Variants in DELE1 observed in about 807,000 individuals in gnomAD.
DELE1 encodes DAP3 binding cell death enhancer 1.
A neutral mutation model predicts 59.3 loss-of-function variants in DELE1; 54 were observed. The observed-to-expected ratio is 0.91, with a 90% confidence interval of 0.73 to 1.14. The LOEUF (loss-of-function observed/expected upper bound fraction) is 1.14. DELE1 is among the 50% of genes most tolerant of loss of function. The probability of loss-of-function intolerance (pLI) is 0.00; values close to 1 mark genes in which losing one functional copy is unlikely to be tolerated. For missense variants in DELE1, 636 were observed against 643.9 expected (o/e 0.99, Z 0.13); for synonymous variants, 264 against 259.1 (o/e 1.02, Z -0.18).
rs1351934227 is a variant in DELE1, at chr5:141,938,911, G to A, written c.*152G>A. ...AATTTCACGTACATGGCTGGTAAGT[G>A]ACTGATCTTTCCCCCCGCTTGGTAG... On this transcript the variant is annotated 3_prime_UTR_variant, in exon 12 of 12. Coordinates refer to ENST00000432126, the MANE Select transcript of DELE1 (RefSeq NM_014773.5). The A allele has an allele frequency of 2.4e-5, 35 of 1,445,902 alleles. No individual in the cohort carries two copies. The highest frequency in any genetic ancestry group is 3.1e-5 in the Non-Finnish European group (34 of 1,104,748). 89.6% of individuals were successfully genotyped at this position (1,445,902 alleles called of 1,614,324 possible).
chr5:141,929,461 G>A (rs1443456739), intron 4 of DELE1, 121 bp from the exon 5 acceptor site: 1 of 998,936 alleles, frequency 1.0e-6, no homozygotes, highest in Non-Finnish European at 1.5e-6. Flanking sequence ...TGTTGGCCAG[G>A]CTGGTCTTGA....
rs1752691383 is a variant in DELE1, at chr5:141,940,765, G to C, written c.*2006G>C. On this transcript the variant is annotated 3_prime_UTR_variant, in exon 12 of 12. Transcript: ENST00000432126. ...GCAGGGTCCTTGTCTTTGTATTCCA[G>C]TGTCCCCAGCACTGAGTGCAAGGCC... The C allele has an allele frequency of 1.0e-6, 1 of 980,180 alleles. No individual in the cohort carries two copies. The highest frequency in any genetic ancestry group is 1.2e-6 in the Non-Finnish European group (1 of 825,312). The allele number at this position is 980,180 out of a possible 1,614,324, so 60.7% of individuals were successfully genotyped here. A position where few individuals can be genotyped will look rare whatever the true frequency, so the allele number is the denominator to read the frequency against.
rs750572925 is a variant in DELE1 at position 141,930,150 on chromosome 5, T to C, written c.658-28T>C. On this transcript the variant is annotated intron_variant, in intron 6 of 11. Transcript: ENST00000432126. Reference sequence around the variant, plus strand: ...GTGGCAATCCTGGTAAACCATCCCTTGGTGAGTCTTTTATATTTCTTTCCC... The same window carrying C: ...GTGGCAATCCTGGTAAACCATCCCTCGGTGAGTCTTTTATATTTCTTTCCC... The C allele has an allele frequency of 2.5e-6, 4 of 1,608,620 alleles. No homozygotes were observed. In the African/African-American group the frequency reaches 5.4e-5, roughly 22 times the overall value.
In DELE1 at chr5:141,925,434, G is replaced by C; in HGVS notation, c.171G>C (p.Thr57=). The change falls in exon 3 of 12, where the codon ACG becomes ACC. Residue 57 remains threonine, a synonymous_variant. Coordinates refer to ENST00000432126, the MANE Select transcript of DELE1 (RefSeq NM_014773.5). ...GGTCAGGTCCCCATGGCCCAGGCAC[G>C]AGCGGGGGTCCAAGGTCCCATGGAT... is the stretch of plus-strand genomic sequence containing the variant. ...LDRSGPHGPG[T]SGGPRSHGWK... 1 of 1,596,660 alleles carries C rather than the reference G, an allele frequency of 6.3e-7. No individual in the cohort carries two copies.
chr5:141,928,321 A>G (rs1203210836), intron 4 of DELE1, 23 bp downstream of exon 4: 5 of 1,608,838 alleles, frequency 3.1e-6, no homozygotes, highest in Non-Finnish European at 3.4e-6. Flanking sequence ...TCCTGGGGAC[A>G]GGAGGGCTGG....
rs1380373291 is a variant in DELE1 at position 141,925,519 on chromosome 5, A to G, written c.256A>G (p.Ile86Val). Residue 86 changes from isoleucine to valine, a missense_variant, in exon 3 of 12, where the codon ATA (isoleucine) becomes GTA (valine). Ile to Val is a conservative substitution (Grantham distance 29). Coordinates refer to ENST00000432126, the MANE Select transcript of DELE1 (RefSeq NM_014773.5). ...RVSPNTLWDAISWGTLAVLAL... is the reference protein window; with the variant it reads ...RVSPNTLWDAVSWGTLAVLAL... ...CTCCCCGAACACCCTATGGGATGCCATATCTTGGGTAAGGCTTCCCCAGCC... is the reference window on the plus strand; with the variant it reads ...CTCCCCGAACACCCTATGGGATGCCGTATCTTGGGTAAGGCTTCCCCAGCC... 58 of 1,584,876 alleles carry G rather than the reference A, an allele frequency of 3.7e-5. No homozygotes were observed. The highest frequency in any genetic ancestry group is 4.7e-5 in the Non-Finnish European group (55 of 1,164,346).
chr5:141,933,391 A>G lies in DELE1; in HGVS notation c.887A>G (p.Asp296Gly). ...GAGCATGGCAGAGGCACCCCCAGGG[A>G]CATTAGCAAGGTATTCCCCTGCCCC... Reference protein sequence around the residue: ...CHEHGRGTPRDISKAVLYYQL... With the variant: ...CHEHGRGTPRGISKAVLYYQL... The change falls in exon 8 of 12, where the codon GAC becomes GGC. Residue 296 changes from aspartate (D) to glycine (G), a missense_variant. Coordinates refer to ENST00000432126, the MANE Select transcript of DELE1 (RefSeq NM_014773.5). The G allele has an allele frequency of 2.0e-6, 3 of 1,499,502 alleles. No homozygotes were observed. The highest frequency in any genetic ancestry group is 2.7e-6 in the Non-Finnish European group (3 of 1,103,278). 92.9% of individuals were successfully genotyped at this position (1,499,502 alleles called of 1,614,324 possible).
intron 7 of DELE1, among the ~76,000 whole-genome samples, chr5:141,933,015 A>C (rs1752035440): frequency 6.6e-6 from 1 of 150,530 alleles, no homozygotes; most frequent in Non-Finnish European, 1.5e-5. Context: ...GAATCGTTTG[A>C]ACTCAGGAGG....
rs1323590690 is a variant in DELE1 at position 141,937,318 on chromosome 5, C to T, written c.1270C>T (p.Gln424Ter). Residue 424 changes from glutamine (Q) to a stop codon, truncating the protein, a stop_gained, in exon 11 of 12, where the codon CAG (glutamine) becomes TAG (stop). Coordinates refer to ENST00000432126, the MANE Select transcript of DELE1 (RefSeq NM_014773.5). LOFTEE classifies it high-confidence loss of function. ...QSAALGNEAA[Q>*]ERLRALFSMG... Reference sequence around the variant, plus strand: ...AGCCGCTCTGGGAAATGAGGCCGCCCAGGAGAGGCTGCGAGCCCTCTTTTC... The same window carrying T: ...AGCCGCTCTGGGAAATGAGGCCGCCTAGGAGAGGCTGCGAGCCCTCTTTTC... 3 of 1,614,176 alleles carry T rather than the reference C, an allele frequency of 1.9e-6. No individual in the cohort carries two copies. Among genetic ancestry groups the T allele is most frequent in the South Asian group, 1.1e-5 (1 of 91,086 alleles).
At chr5:141,932,730 G>A (rs1752010927) in intron 7 of DELE1, among the ~76,000 whole-genome samples, 1 of 152,182 alleles carries the variant, frequency 6.6e-6, no homozygotes, top group South Asian at 2.1e-4. Flanking sequence ...CCAAGAGAAG[G>A]AGGAATGGTT....
intron 1 of DELE1, among the ~76,000 whole-genome samples, chr5:141,924,264 G>A (rs1243928582): frequency 6.6e-6 from 1 of 152,160 alleles, no homozygotes; most frequent in Non-Finnish European, 1.5e-5. Flanking sequence ...AATGGAGTAG[G>A]CATAGCCAGT....
At chr5:141,925,556 C>A in intron 3 of DELE1, 29 bp downstream of exon 3, 1 of 1,449,256 alleles carries the variant, frequency 6.9e-7, no homozygotes, top group Non-Finnish European at 9.5e-7. Flanking sequence ...GGTCCTTGAC[C>A]TTCAGTGTAG....
chr5:141,926,292 C>T (rs769662956), intron 3 of DELE1, among the ~76,000 whole-genome samples: 24 of 152,146 alleles, frequency 1.6e-4, no homozygotes, highest in Non-Finnish European at 3.4e-4. Flanking sequence ...ATCTCAGGCT[C>T]TGAAATATTA....
chr5:141,934,476 C>T lies in DELE1; in HGVS notation c.1057-18C>T. The T allele has an allele frequency of 1.2e-6, 2 of 1,614,214 alleles. No homozygotes were observed. The highest frequency in any genetic ancestry group is 1.7e-6 in the Non-Finnish European group (2 of 1,180,018). ...AAAGTGACCAAGATGCCTTCTTTTC[C>T]TTCCTCCTTGACCACAGGCCCAAGC... On this transcript the variant is annotated intron_variant, in intron 9 of 11. Transcript: ENST00000432126.
In DELE1 at chr5:141,938,887, A is replaced by G. The variant is rs3747716; in HGVS notation, c.*128A>G. On this transcript the variant is annotated 3_prime_UTR_variant, in exon 12 of 12. Transcript: ENST00000432126. ...CAGCGGGAGTTCAGGTTCCCAAGCA[A>G]TTTCACGTACATGGCTGGTAAGTGA... 8.2e-5 allele frequency: 121 copies of G among 1,478,390 alleles called. No homozygotes were observed. In the East Asian group the frequency reaches 2.8e-3, roughly 34 times the overall value. 91.6% of individuals were successfully genotyped at this position (1,478,390 alleles called of 1,614,324 possible).
At chr5:141,934,013 C>G (rs988153278) in intron 8 of DELE1, 1 of 386,740 alleles carries the variant, frequency 2.6e-6, no homozygotes, top group African/African-American at 2.1e-5. Flanking sequence ...ATTTGCAAGG[C>G]TGTACGCTAA....
In DELE1 at chr5:141,924,760, T is replaced by TTG; in HGVS notation, c.146+66_146+67insGT. 3.8e-6 allele frequency: 4 copies of TTG among 1,065,980 alleles called. No individual in the cohort carries two copies. The African/African-American group carries it at 5.2e-5, about 14-fold the overall frequency. 66.0% of individuals were successfully genotyped at this position (1,065,980 alleles called of 1,614,324 possible). On this transcript the variant is annotated intron_variant, in intron 2 of 11. Transcript: ENST00000432126. ...TCACCCTTTTTTTTTATTTTTTTTT[T>TTG]TTTGTTGTTTTTTGAGATGGAGTCT...
intron 10 of DELE1, among the ~76,000 whole-genome samples, chr5:141,936,290 G>C (rs778810619): frequency 1.1e-4 from 16 of 152,206 alleles, no homozygotes; most frequent in African/African-American, 3.6e-4. Flanking sequence ...TGGTAGAGCC[G>C]TGATGGGAGT....
At chr5:141,924,748 T>TAA (rs1751238739) in intron 2 of DELE1, 53 bp downstream of exon 2, 385 of 1,174,306 alleles carry the variant, frequency 3.3e-4, no homozygotes, top group South Asian at 4.8e-4. Context: ...CCCTTTTTTT[T>TAA]TATTTTTTTT....
Sources: allele counts gnomAD v4.1 joint callset (sites outside exome capture counted in the v4.1 genomes callset), GRCh38; gene constraint gnomAD v4.1.1; transcripts MANE v1.5; gene names NCBI Gene and HGNC (gene_info 2026-07-23, HGNC 2026-07-21).